The following MAP3K7CL variants were observed in gnomAD, a reference collection of about 807,000 sequenced individuals.
MAP3K7CL encodes MAP3K7 C-terminal like, also known as MAP3K7 C-terminal-like protein.
MAP3K7CL carries 16 observed loss-of-function variants against 18.6 expected under a neutral mutation model. That is an observed-to-expected ratio of 0.86 (90% CI 0.58 to 1.31). The LOEUF is 1.31. Ranked by LOEUF, MAP3K7CL falls within the 50% of genes most tolerant of loss-of-function variation. The pLI, the probability that MAP3K7CL is intolerant of heterozygous loss-of-function variation, is 0.00. For missense variants in MAP3K7CL, 163 were observed against 174.4 expected (o/e 0.93, Z 0.37); for synonymous variants, 65 against 66.8 (o/e 0.97, Z 0.13).
chr21:29,092,017 A>G (rs1311723066), intron 3 of MAP3K7CL, among the ~76,000 whole-genome samples: 1 of 152,208 alleles, frequency 6.6e-6, no homozygotes, highest in Non-Finnish European at 1.5e-5. Flanking sequence ...TGGGATTGCA[A>G]GCTGGGCCTG....
At chr21:29,123,469 T>C (rs1234737564) in intron 4 of MAP3K7CL, among the ~76,000 whole-genome samples, 1 of 152,150 alleles carries the variant, frequency 6.6e-6, no homozygotes, top group Non-Finnish European at 1.5e-5. Context: ...TAATTTACAG[T>C]GGACAGAGAG....
chr21:29,163,979 C>A (rs1409938837), intron 4 of MAP3K7CL, among the ~76,000 whole-genome samples: 2 of 151,662 alleles, frequency 1.3e-5, no homozygotes, highest in African/African-American at 2.4e-5. Flanking sequence ...ATTACAGAGT[C>A]AATATCAGCA....
chr21:29,139,734 G>A (rs527503702), intron 2 of MAP3K7CL, among the ~76,000 whole-genome samples: 23 of 151,968 alleles, frequency 1.5e-4, no homozygotes, highest in South Asian at 8.3e-4. Flanking sequence ...ATAGGCATGC[G>A]CCACCAAGCC....
At chr21:29,080,625 G>A (rs1043059187) in intron 1 of MAP3K7CL, 3 of 152,242 alleles carry the variant, frequency 2.0e-5, no homozygotes, top group Admixed American at 2.0e-4. Context: ...CAAAGCCCTG[G>A]TGGTGTGTTC....
At position 29,106,600 on chromosome 21, in the gene MAP3K7CL, C is replaced by G. The variant is rs535372259; in HGVS notation, c.370+14019C>G. ...ATCTGTACAACCACGTGTGCCAGTTCGGGAACATGACCTCTGGCCAGAAAG... is the reference window on the plus strand; with the variant it reads ...ATCTGTACAACCACGTGTGCCAGTTGGGGAACATGACCTCTGGCCAGAAAG... On this transcript the variant is annotated intron_variant, in intron 4 of 6. Transcript: ENST00000286791. 3.7e-3 allele frequency among the ~76,000 whole-genome samples: 565 copies of G among 152,266 alleles called. 1 individual carries two copies. Among genetic ancestry groups the G allele is most frequent in the Non-Finnish European group, 5.9e-3 (401 of 68,018 alleles).
intron 3 of MAP3K7CL, among the ~76,000 whole-genome samples, chr21:29,157,518 A>G (rs1000849989): frequency 4.6e-5 from 7 of 152,198 alleles, no homozygotes; most frequent in Non-Finnish European, 7.3e-5. Context: ...CTGGATACAA[A>G]GTATTTTAGG....
intron 3 of MAP3K7CL, chr21:29,092,282 G>A (rs559538330): frequency 3.3e-5 from 22 of 658,484 alleles, no homozygotes; most frequent in Admixed American, 1.5e-4. Flanking sequence ...TTCCCCTGAT[G>A]AGAAACCTTT....
chr21:29,091,169 C>G (rs976154622), intron 1 of MAP3K7CL, among the ~76,000 whole-genome samples: 2 of 152,140 alleles, frequency 1.3e-5, no homozygotes, highest in South Asian at 4.1e-4. Context: ...ATATACATTC[C>G]TTTTTCATTC....
upstream of MAP3K7CL, among the ~76,000 whole-genome samples, chr21:29,085,422 T>C (rs1303428601): frequency 1.3e-5 from 2 of 151,996 alleles, no homozygotes; most frequent in African/African-American, 4.8e-5. Flanking sequence ...TAAGTGGTCA[T>C]TGGACATAAA....
chr21:29,123,447 A>G (rs1047586418), intron 4 of MAP3K7CL, among the ~76,000 whole-genome samples: 2 of 152,202 alleles, frequency 1.3e-5, no homozygotes, highest in Non-Finnish European at 2.9e-5. Flanking sequence ...CCGAGTTTCT[A>G]GATCCAATGG....
At chr21:29,171,078 T>A (rs1411458521) in intron 4 of MAP3K7CL, among the ~76,000 whole-genome samples, 1 of 152,176 alleles carries the variant, frequency 6.6e-6, no homozygotes, top group African/African-American at 2.4e-5. Flanking sequence ...CTCTAAACAT[T>A]TAATCAGAAG....
rs77006658 is a variant in MAP3K7CL at position 29,115,953 on chromosome 21, A to T, written c.370+23372A>T. ...TAATCTGGGAACCAGAGAAATTGTTACTAGCTCAGAGTAACGCAGTGAATT... is the reference window on the plus strand; with the variant it reads ...TAATCTGGGAACCAGAGAAATTGTTTCTAGCTCAGAGTAACGCAGTGAATT... On this transcript the variant is annotated intron_variant, in intron 4 of 6. Transcript: ENST00000286791. Among the ~76,000 whole-genome samples, 38 of 152,386 alleles carry T rather than the reference A, an allele frequency of 2.5e-4. 1 individual carries two copies. The East Asian group carries it at 7.3e-3, about 29-fold the overall frequency.
At chr21:29,144,285 C>T (rs2087076330) in intron 2 of MAP3K7CL, among the ~76,000 whole-genome samples, 1 of 152,080 alleles carries the variant, frequency 6.6e-6, no homozygotes, top group Non-Finnish European at 1.5e-5. Context: ...CTGTCTCAGC[C>T]TCCCGAGTAG....
At chr21:29,119,530 A>G (rs1027585892) in intron 4 of MAP3K7CL, among the ~76,000 whole-genome samples, 2 of 151,972 alleles carry the variant, frequency 1.3e-5, no homozygotes, top group Non-Finnish European at 2.9e-5. Flanking sequence ...CTGAAGGGCC[A>G]TTTTACCCTG....
At chr21:29,141,896 A>AT (rs929870725) in intron 2 of MAP3K7CL, among the ~76,000 whole-genome samples, 6 of 152,008 alleles carry the variant, frequency 3.9e-5, no homozygotes, top group African/African-American at 1.2e-4. Flanking sequence ...CTAGCAATTA[A>AT]TTTTTTTTGA....
At chr21:29,117,452 T>G (rs963340215) in intron 4 of MAP3K7CL, among the ~76,000 whole-genome samples, 78 of 152,280 alleles carry the variant, frequency 5.1e-4, no homozygotes, top group Non-Finnish European at 2.4e-4. Context: ...TTGAATGCTA[T>G]CACTGCTGAA....
upstream of MAP3K7CL, among the ~76,000 whole-genome samples, chr21:29,083,392 C>T (rs73899309): frequency 0.021 from 3,257 of 152,224 alleles, 117 homozygotes; most frequent in African/African-American, 0.074. Context: ...TGATAAATTG[C>T]ATTTTGGTAT....
chr21:29,134,032 CAT>C (rs1300360931), intron 2 of MAP3K7CL, among the ~76,000 whole-genome samples: 1 of 152,204 alleles, frequency 6.6e-6, no homozygotes, highest in Admixed American at 6.5e-5. Context: ...CAAAAGACCT[CAT>C]GTGGCGGGAG....
chr21:29,128,463 C>T (rs563595893), upstream of MAP3K7CL, among the ~76,000 whole-genome samples: 15 of 152,138 alleles, frequency 9.9e-5, no homozygotes, highest in Admixed American at 3.3e-4. Context: ...CCACCACGCC[C>T]GGCTAATTTT....
Sources: allele counts gnomAD v4.1 joint callset (sites outside exome capture counted in the v4.1 genomes callset), GRCh38; gene constraint gnomAD v4.1.1; transcripts MANE v1.5; gene names NCBI Gene and HGNC (gene_info 2026-07-23, HGNC 2026-07-21).